Variants in ELK3 observed in about 807,000 individuals in gnomAD.
ELK3 encodes ETS domain-containing protein Elk-3.
In ELK3, 10 loss-of-function variants were observed where a neutral mutation model predicts 28.9. The observed-to-expected ratio is 0.35, with a 90% CI of 0.21 to 0.59. The LOEUF is 0.59. ELK3 is among the 20% of genes least tolerant of loss of function. ELK3 has a pLI of 0.82. For synonymous variants in ELK3, 272 were observed against 243.5 expected, an observed-to-expected ratio of 1.12 and a Z score of -1.09; for missense variants, 463 against 517.3, an observed-to-expected ratio of 0.90 and a Z score of 1.02.
chr12:96,199,480 C>CCGTG (rs1555192307), intron 1 of ELK3, among the ~76,000 whole-genome samples: 3 of 146,384 alleles, frequency 2.0e-5, no homozygotes. Context: ...ATAAAATTAG[C>CCGTG]TGTGTGTGTG....
At chr12:96,201,760 T>C (rs777291397) in intron 1 of ELK3, among the ~76,000 whole-genome samples, 14 of 152,160 alleles carry the variant, frequency 9.2e-5, no homozygotes, top group East Asian at 3.8e-4. Flanking sequence ...TATAGACATA[T>C]GCAGGAATTT....
chr12:96,244,843 C>T (rs1232095042), intron 2 of ELK3, among the ~76,000 whole-genome samples: 1 of 152,156 alleles, frequency 6.6e-6, no homozygotes, highest in Non-Finnish European at 1.5e-5. Context: ...CATGTTCTGA[C>T]CCAGGGCACT....
chr12:96,252,881 T>C (rs1951918966), intron 3 of ELK3, among the ~76,000 whole-genome samples: 1 of 152,270 alleles, frequency 6.6e-6, no homozygotes, highest in Non-Finnish European at 1.5e-5. Context: ...TTTGAGAGGA[T>C]TGACTCCAAT....
At chr12:96,232,704 G>A (rs1012955004) in intron 2 of ELK3, among the ~76,000 whole-genome samples, 3 of 151,896 alleles carry the variant, frequency 2.0e-5, no homozygotes, top group Non-Finnish European at 4.4e-5. Context: ...GAGCCCAGGA[G>A]TTTTGAGACC....
intron 2 of ELK3, among the ~76,000 whole-genome samples, chr12:96,225,796 C>G (rs889435473): frequency 6.6e-6 from 1 of 152,200 alleles, no homozygotes. Flanking sequence ...GGTAGGCAGT[C>G]AGGCTGTCCA....
chr12:96,216,886 A>T (rs1401257372), intron 1 of ELK3, among the ~76,000 whole-genome samples: 1 of 152,216 alleles, frequency 6.6e-6, no homozygotes. Context: ...GAACCCAGAG[A>T]GTCAGGTGCC....
chr12:96,231,227 T>C (rs1353445329), intron 2 of ELK3, among the ~76,000 whole-genome samples: 4 of 152,262 alleles, frequency 2.6e-5, no homozygotes, highest in African/African-American at 7.2e-5. Context: ...TTTTTTTCCT[T>C]AGGTTTAAAC....
At chr12:96,249,673 C>G (rs1233462388) in intron 3 of ELK3, among the ~76,000 whole-genome samples, 1 of 37,850 alleles carries the variant, frequency 2.6e-5, no homozygotes, top group Non-Finnish European at 6.1e-5. Context: ...GTCTGTGTTC[C>G]CTGGGAGCCT....
At chr12:96,249,354 C>T (rs1477437351) in intron 3 of ELK3, among the ~76,000 whole-genome samples, 1 of 152,324 alleles carries the variant, frequency 6.6e-6, no homozygotes, top group African/African-American at 2.4e-5. Flanking sequence ...CATGACAGCT[C>T]AAGCCTGTGA....
chr12:96,233,450 A>G (rs1019581901), intron 2 of ELK3, among the ~76,000 whole-genome samples: 4 of 152,196 alleles, frequency 2.6e-5, no homozygotes, highest in Non-Finnish European at 5.9e-5. Context: ...GCTTAGCCTC[A>G]CGATGTACTG....
rs147693078 is a variant in ELK3 at position 96,249,377 on chromosome 12, G to A, written c.1002+1643G>A. On this transcript the variant is annotated intron_variant, in intron 3 of 4. Coordinates refer to ENST00000228741, the MANE Select transcript of ELK3 (RefSeq NM_005230.4). ...CTCAAGCCTGTGAGCTGGTGGTGAC[G>A]CGCGCCACTGCGGAGGGGGAGGGCC... Among the ~76,000 whole-genome samples the A allele has an allele frequency of 1.3e-4, 20 of 152,290 alleles. No homozygotes were observed. In the East Asian group the frequency reaches 1.5e-3, roughly 12 times the overall value.
At chr12:96,232,711 G>A (rs1282635127) in intron 2 of ELK3, among the ~76,000 whole-genome samples, 1 of 151,934 alleles carries the variant, frequency 6.6e-6, no homozygotes, top group Non-Finnish European at 1.5e-5. Flanking sequence ...GGAGTTTTGA[G>A]ACCAGCCTGG....
intron 1 of ELK3, among the ~76,000 whole-genome samples, chr12:96,215,876 C>T (rs1951613136): frequency 6.6e-6 from 1 of 152,112 alleles, no homozygotes; most frequent in Non-Finnish European, 1.5e-5. Flanking sequence ...TCAAGCGATC[C>T]ACCCACCTCG....
At chr12:96,225,385 TGCTCACAAAATTA>T (rs1951691761) in intron 2 of ELK3, among the ~76,000 whole-genome samples, 1 of 152,254 alleles carries the variant, frequency 6.6e-6, no homozygotes, top group African/African-American at 2.4e-5. Context: ...TGGAAATGAC[TGCTCACAAAATTA>T]GCAAAGCCAT....
At position 96,269,440 on chromosome 12, in the gene ELK3, T is replaced by G. The variant is rs1952068201; in HGVS notation, c.*2260T>G. 2 of 152,242 alleles carry G rather than the reference T, an allele frequency of 1.3e-5. No homozygotes were observed. The highest frequency in any genetic ancestry group is 1.5e-5 in the Non-Finnish European group (1 of 68,040). 9.4% of individuals were successfully genotyped at this position (152,242 alleles called of 1,614,324 possible). A position where few individuals can be genotyped will look rare whatever the true frequency, so the allele number is the denominator to read the frequency against. On this transcript the variant is annotated 3_prime_UTR_variant, in exon 5 of 5. Transcript: ENST00000228741. ...TCCTTTGGAAACTGGGATTAATGTATGCTCTAGATCCATTTATTAGAAATG... is the reference window on the plus strand; with the variant it reads ...TCCTTTGGAAACTGGGATTAATGTAGGCTCTAGATCCATTTATTAGAAATG...
rs116086378 is a variant in ELK3 at position 96,198,507 on chromosome 12, A to G, written c.-3+3802A>G. 5.1e-3 allele frequency among the ~76,000 whole-genome samples: 772 copies of G among 152,288 alleles called. 5 individuals carry two copies. The highest frequency in any genetic ancestry group is 0.018 in the African/African-American group (747 of 41,568). ...AGGGGAAGGGGACTCCATTTTTGTT[A>G]GATTTTCTTGTATGTTTCAGGCAAA... On this transcript the variant is annotated intron_variant, in intron 1 of 4. Transcript: ENST00000228741.
chr12:96,201,212 T>G (rs1951505581), intron 1 of ELK3, among the ~76,000 whole-genome samples: 1 of 152,204 alleles, frequency 6.6e-6, no homozygotes, highest in Non-Finnish European at 1.5e-5. Context: ...GCAAAATATT[T>G]AACCAAAAGT....
chr12:96,217,706 C>T (rs775980153), intron 1 of ELK3, among the ~76,000 whole-genome samples: 10 of 152,164 alleles, frequency 6.6e-5, no homozygotes, highest in African/African-American at 1.7e-4. Flanking sequence ...GAGGCCGAGG[C>T]GGGCAGATCA....
In ELK3 at chr12:96,267,273, A is replaced by G; in HGVS notation, c.*93A>G. On this transcript the variant is annotated 3_prime_UTR_variant, in exon 5 of 5. Coordinates refer to ENST00000228741, the MANE Select transcript of ELK3 (RefSeq NM_005230.4). ...CTGTGTCGTGAGAAGGACATTGTGAAACTCTTGTTAATTTGGTTTGCACTT... is the reference window on the plus strand; with the variant it reads ...CTGTGTCGTGAGAAGGACATTGTGAGACTCTTGTTAATTTGGTTTGCACTT... 9.4e-7 allele frequency: 1 copy of G among 1,063,130 alleles called. No individual in the cohort carries two copies. Among genetic ancestry groups the G allele is most frequent in the Non-Finnish European group, 1.3e-6 (1 of 745,416 alleles). 65.9% of individuals were successfully genotyped at this position (1,063,130 alleles called of 1,614,324 possible).
Sources: gnomAD v4.1 joint callset for allele counts (sites outside exome capture counted in the v4.1 genomes callset) on GRCh38, gnomAD v4.1.1 for gene constraint, MANE v1.5 for transcripts, NCBI Gene and HGNC (gene_info 2026-07-23, HGNC 2026-07-21) for gene names.